The following UNC5C variants were observed in gnomAD, a reference collection of about 807,000 sequenced individuals.
UNC5C encodes the protein netrin receptor UNC5C.
In UNC5C, 47 loss-of-function variants were observed where a neutral mutation model predicts 99.8. The ratio of observed to expected loss-of-function variants is 0.47; its 90% CI spans 0.37 to 0.60. The LOEUF (loss-of-function observed/expected upper bound fraction) is 0.60, where lower values mean the gene tolerates loss of function less well. Among genes scored for constraint, UNC5C ranks in the 20% least tolerant of loss-of-function variants. The probability of loss-of-function intolerance (pLI) is 0.00; values close to 1 mark genes in which losing one functional copy is unlikely to be tolerated. For missense variants in UNC5C, 1,062 were observed against 1,165.9 expected, an observed-to-expected ratio of 0.91 and a Z score of 1.30; for synonymous variants, 487 against 452.2, an observed-to-expected ratio of 1.08 and a Z score of -0.98.
intron 10 of UNC5C, among the ~76,000 whole-genome samples, chr4:95,211,121 A>C (rs1738060525): frequency 6.6e-6 from 1 of 152,220 alleles, no homozygotes; most frequent in African/African-American, 2.4e-5. Flanking sequence ...CAAGGAAAGA[A>C]TCTGTCTCCA....
In UNC5C at chr4:95,250,551, G is replaced by A. The variant is rs2149381968; in HGVS notation, c.711C>T (p.Tyr237=). Residue 237 remains tyrosine (Y), a synonymous_variant, in exon 5 of 16, where the codon TAC becomes TAT. Coordinates refer to ENST00000453304, the MANE Select transcript of UNC5C (RefSeq NM_003728.4). ...KQARLSDTAN[Y]TCVAKNIVAK... ...CAACAATGTTTTTGGCAACACAGGT[G>A]TAATTTGCAGTATCAGAGAGTCGGG... 1.2e-6 allele frequency: 2 copies of A among 1,614,040 alleles called. No homozygotes were observed. The highest frequency in any genetic ancestry group is 1.1e-5 in the South Asian group (1 of 91,056).
rs577285552 is a variant in UNC5C, at chr4:95,261,201, G to A, written c.595-10534C>T. Among the ~76,000 whole-genome samples the A allele has an allele frequency of 3.3e-5, 5 of 152,230 alleles. No individual in the cohort carries two copies. In the South Asian group the frequency reaches 8.3e-4, roughly 25 times the overall value. Reference sequence around the variant, plus strand: ...ATACATTTTAGCTACTCCAGGACTTGGGTTGAGGCTGTCCTCAGGCTGGTG... The same window carrying A: ...ATACATTTTAGCTACTCCAGGACTTAGGTTGAGGCTGTCCTCAGGCTGGTG... On this transcript the variant is annotated intron_variant, in intron 4 of 15. Coordinates refer to ENST00000453304, the MANE Select transcript of UNC5C (RefSeq NM_003728.4).
At chr4:95,498,390 A>G (rs1721683894) in intron 1 of UNC5C, among the ~76,000 whole-genome samples, 1 of 152,054 alleles carries the variant, frequency 6.6e-6, no homozygotes, top group Non-Finnish European at 1.5e-5. Flanking sequence ...AGCAAAGGAA[A>G]GCAAGAGTAG....
intron 4 of UNC5C, among the ~76,000 whole-genome samples, chr4:95,259,536 T>G (rs990595901): frequency 6.6e-6 from 1 of 152,188 alleles, no homozygotes; most frequent in Non-Finnish European, 1.5e-5. Context: ...ATGTAAGTAA[T>G]TGAGTATTAA....
At chr4:95,528,997 TC>T in intron 1 of UNC5C, among the ~76,000 whole-genome samples, 4 of 152,222 alleles carry the variant, frequency 2.6e-5, no homozygotes, top group Admixed American at 2.6e-4. Flanking sequence ...CACATTTATC[TC>T]TCCTTTAATC....
At chr4:95,361,585 A>G (rs79913194) in intron 1 of UNC5C, among the ~76,000 whole-genome samples, 5,100 of 152,274 alleles carry the variant, frequency 0.033, 122 homozygotes, top group South Asian at 0.053. Flanking sequence ...TCTCTAAAAC[A>G]CACAGTCCTT....
intron 14 of UNC5C, among the ~76,000 whole-genome samples, chr4:95,173,036 CTGTT>C (rs1463171541): frequency 3.9e-5 from 6 of 152,076 alleles, no homozygotes; most frequent in East Asian, 3.9e-4. Flanking sequence ...ATTTGGCCCT[CTGTT>C]TGTCTGTTAT....
chr4:95,513,934 A>T (rs1483721182), intron 1 of UNC5C, among the ~76,000 whole-genome samples: 1 of 152,156 alleles, frequency 6.6e-6, no homozygotes, highest in African/African-American at 2.4e-5. Flanking sequence ...TTAAACTTTA[A>T]AGCCCATCAC....
chr4:95,287,605 A>G (rs1261331618), intron 3 of UNC5C, among the ~76,000 whole-genome samples: 1 of 152,134 alleles, frequency 6.6e-6, no homozygotes, highest in Non-Finnish European at 1.5e-5. Flanking sequence ...ACTGACCACG[A>G]TATTCTTTTC....
chr4:95,355,618 C>A (rs945818002), intron 1 of UNC5C, among the ~76,000 whole-genome samples: 5 of 151,978 alleles, frequency 3.3e-5, no homozygotes, highest in African/African-American at 1.2e-4. Flanking sequence ...CCCACCCCCC[C>A]AGCATGAAAC....
chr4:95,486,292 A>G (rs1721326514), intron 1 of UNC5C, among the ~76,000 whole-genome samples: 1 of 151,740 alleles, frequency 6.6e-6, no homozygotes, highest in African/African-American at 2.4e-5. Context: ...TTTGACTAAG[A>G]CTTAGATTAT....
chr4:95,412,497 T>C (rs1341817916), intron 1 of UNC5C, among the ~76,000 whole-genome samples: 1 of 152,128 alleles, frequency 6.6e-6, no homozygotes. Flanking sequence ...TTTCAAGTAT[T>C]GAGAGCTGTG....
intron 1 of UNC5C, among the ~76,000 whole-genome samples, chr4:95,412,868 C>T (rs1308896090): frequency 6.6e-6 from 1 of 152,114 alleles, no homozygotes; most frequent in South Asian, 2.1e-4. Context: ...AAGGGTGAGG[C>T]TGGCATGGAC....
chr4:95,176,549 C>G (rs1162108637), intron 14 of UNC5C, among the ~76,000 whole-genome samples: 2 of 151,426 alleles, frequency 1.3e-5, no homozygotes, highest in Non-Finnish European at 2.9e-5. Context: ...CCCAGTTAGG[C>G]TGCTCAGGGG....
At chr4:95,498,054 T>C (rs1721676549) in intron 1 of UNC5C, among the ~76,000 whole-genome samples, 1 of 152,008 alleles carries the variant, frequency 6.6e-6, no homozygotes. Flanking sequence ...ACATTCTGTT[T>C]TCTTATCTGT....
chr4:95,270,919 T>C (rs1560762983), intron 4 of UNC5C, among the ~76,000 whole-genome samples: 1 of 152,210 alleles, frequency 6.6e-6, no homozygotes, highest in Admixed American at 6.5e-5. Context: ...CCTTTCTTCT[T>C]ATTTACCAGT....
intron 10 of UNC5C, among the ~76,000 whole-genome samples, chr4:95,215,416 C>G (rs1017739597): frequency 6.6e-6 from 1 of 152,178 alleles, no homozygotes; most frequent in Non-Finnish European, 1.5e-5. Context: ...TACATGGAAA[C>G]TAATCAAGAA....
intron 1 of UNC5C, among the ~76,000 whole-genome samples, chr4:95,478,662 T>C (rs1005196035): frequency 6.6e-6 from 1 of 152,066 alleles, no homozygotes. Flanking sequence ...TTTATTATTT[T>C]GTTTTTTAAC....
rs1020858157 is a variant in UNC5C at position 95,172,152 on chromosome 4, T to A, written c.2452-1820A>T. On this transcript the variant is annotated intron_variant, in intron 14 of 15. Transcript: ENST00000453304. ...TTCTGGATATTAGCCCTTTGTCAGA[T>A]GAGTAGGTTGCGAAAATTTTCTCCC... is the stretch of plus-strand genomic sequence containing the variant. 5.3e-5 allele frequency among the ~76,000 whole-genome samples: 8 copies of A among 149,690 alleles called. No individual in the cohort carries two copies. In the South Asian group the frequency reaches 1.5e-3, roughly 28 times the overall value.
Sources: allele counts gnomAD v4.1 joint callset (sites outside exome capture counted in the v4.1 genomes callset), GRCh38; gene constraint gnomAD v4.1.1; transcripts MANE v1.5; gene names NCBI Gene and HGNC (gene_info 2026-07-23, HGNC 2026-07-21).